HTR3B: variants seen among roughly 807,000 people sequenced by gnomAD.
HTR3B encodes 5-hydroxytryptamine (serotonin) receptor 3B, ionotropic.
HTR3B carries 44 observed loss-of-function variants against 42.8 expected under a neutral mutation model. The ratio of observed to expected loss-of-function variants is 1.03; its 90% CI spans 0.81 to 1.32. HTR3B has a LOEUF of 1.32. HTR3B is among the 40% of genes most tolerant of loss of function. The pLI is 0.00. For synonymous variants in HTR3B, 203 were observed against 209.0 expected (o/e 0.97, Z 0.25); for missense variants, 527 against 536.5 (o/e 0.98, Z 0.17).
chr11:113,938,981 G>A (rs1242910266), intron 6 of HTR3B, among the ~76,000 whole-genome samples: 2 of 151,872 alleles, frequency 1.3e-5, no homozygotes, highest in African/African-American at 4.8e-5. Flanking sequence ...GGCAATAAGA[G>A]CGAAATTGTG....
Position 113,931,806 on chromosome 11 carries a change from A to T in HTR3B, c.307A>T (p.Ile103Phe), listed in dbSNP as rs1452396502. ...LSWNSSMFDE[I>F]REISLPLSAI... ...CTGGAACTCCAGCATGTTTGATGAG[A>T]TTAGAGAGATCTCCCTACCTCTAAG... The change falls in exon 4 of 9, where the codon ATT becomes TTT. Residue 103 changes from isoleucine (I) to phenylalanine (F), a missense_variant. Ile to Phe is a conservative substitution (Grantham distance 21). Transcript: ENST00000260191. 1.9e-6 allele frequency: 3 copies of T among 1,613,012 alleles called. No homozygotes were observed. Among genetic ancestry groups the T allele is most frequent in the South Asian group, 2.2e-5 (2 of 91,064 alleles).
intron 4 of HTR3B, 148 bp downstream of exon 4, chr11:113,932,015 A>T (rs1161832427): frequency 1.6e-6 from 1 of 645,084 alleles, no homozygotes; most frequent in Non-Finnish European, 2.8e-6. Flanking sequence ...TAGAAGTGCC[A>T]TGTGTTGACA....
In HTR3B at chr11:113,932,321, A is replaced by G. The variant is rs756759938; in HGVS notation, c.401A>G (p.Tyr134Cys). ...ATTGAAAGATACCCTGACCTTCCCT[A>G]TGTTTATGTGAACTCATCTGGGACC... is the stretch of plus-strand genomic sequence containing the variant. ...VDIERYPDLP[Y>C]VYVNSSGTIE... The change falls in exon 5 of 9, where the codon TAT (tyrosine) becomes TGT (cysteine). Residue 134 changes from tyrosine (Y) to cysteine (C), a missense_variant. Coordinates refer to ENST00000260191, the MANE Select transcript of HTR3B (RefSeq NM_006028.5). 8.7e-6 allele frequency: 14 copies of G among 1,613,412 alleles called. No homozygotes were observed. Among genetic ancestry groups the G allele is most frequent in the African/African-American group, 1.3e-5 (1 of 74,984 alleles).
chr11:113,924,695 T>C (rs1949951670), intron 2 of HTR3B, among the ~76,000 whole-genome samples: 1 of 151,920 alleles, frequency 6.6e-6, no homozygotes, highest in African/African-American at 2.4e-5. Context: ...AGAGCTTTTT[T>C]TTCAGCTACC....
upstream of HTR3B, among the ~76,000 whole-genome samples, chr11:113,902,332 T>C (rs1949702004): frequency 6.6e-6 from 1 of 152,214 alleles, no homozygotes; most frequent in Non-Finnish European, 1.5e-5. Flanking sequence ...AGTCTCATTC[T>C]GTCGCCCAGG....
chr11:113,939,005 A>G (rs932102475), intron 6 of HTR3B, among the ~76,000 whole-genome samples: 2 of 152,192 alleles, frequency 1.3e-5, no homozygotes, highest in Non-Finnish European at 2.9e-5. Context: ...AAAAAAAAAA[A>G]ACTAGTCCAT....
chr11:113,913,509 C>T (rs1384422085), intron 2 of HTR3B, among the ~76,000 whole-genome samples: 1 of 149,938 alleles, frequency 6.7e-6, no homozygotes, highest in Non-Finnish European at 1.5e-5. Flanking sequence ...CCATGCTTGG[C>T]CTTTTTAAAA....
chr11:113,917,567 T>C lies in HTR3B; in HGVS notation c.213+8112T>C, dbSNP rs535923016. ...ACTTTTGCTTCATGTATTTTGAAGC[T>C]ATGTTATTAGGTGCATACACATTTA... On this transcript the variant is annotated intron_variant, in intron 2 of 8. Transcript: ENST00000260191. 2.6e-5 allele frequency among the ~76,000 whole-genome samples: 4 copies of C among 152,332 alleles called. No individual in the cohort carries two copies. The South Asian group carries it at 8.3e-4, about 32-fold the overall frequency.
chr11:113,933,165 A>G (rs2276307), intron 6 of HTR3B, 72 bp downstream of exon 6: 331,374 of 1,460,512 alleles, frequency 0.23, 38,659 homozygotes, highest in South Asian at 0.33. Context: ...GGGCCAAGGA[A>G]TTTCTGCTCT....
chr11:113,922,663 C>G (rs1949927809), intron 2 of HTR3B, among the ~76,000 whole-genome samples: 1 of 152,164 alleles, frequency 6.6e-6, no homozygotes, highest in South Asian at 2.1e-4. Context: ...TCACGCCATT[C>G]TCCTGCCTCA....
chr11:113,939,170 C>T (rs1176736), intron 6 of HTR3B, among the ~76,000 whole-genome samples: 8,054 of 152,148 alleles, frequency 0.053, 657 homozygotes, highest in African/African-American at 0.18. Flanking sequence ...TTTTGGAAGG[C>T]CTATCTAGTT....
chr11:113,921,489 G>T (rs1021109854), intron 2 of HTR3B, among the ~76,000 whole-genome samples: 2 of 140,904 alleles, frequency 1.4e-5, no homozygotes, highest in African/African-American at 2.8e-5. Flanking sequence ...CGGGCGTGGT[G>T]GTGGGCACCT....
At chr11:113,940,273 A>G (rs189331411) in intron 6 of HTR3B, among the ~76,000 whole-genome samples, 12 of 152,230 alleles carry the variant, frequency 7.9e-5, no homozygotes, top group African/African-American at 2.9e-4. Context: ...CCCTTTGTAT[A>G]GTATCTGCCA....
In HTR3B at chr11:113,931,816, T is replaced by G; in HGVS notation, c.317T>G (p.Ile106Ser). 6.2e-7 allele frequency: 1 copy of G among 1,612,118 alleles called. No individual in the cohort carries two copies. Among genetic ancestry groups the G allele is most frequent in the South Asian group, 1.1e-5 (1 of 91,054 alleles). Reference protein sequence around the residue: ...NSSMFDEIREISLPLSAIWAP... With the variant: ...NSSMFDEIRESSLPLSAIWAP... ...AGCATGTTTGATGAGATTAGAGAGA[T>G]CTCCCTACCTCTAAGTGCCATCTGG... Residue 106 changes from isoleucine (I) to serine (S), a missense_variant, in exon 4 of 9, where the codon ATC (isoleucine) becomes AGC (serine). Ile to Ser is a moderately radical substitution (Grantham distance 142, BLOSUM62 -2). Transcript: ENST00000260191.
chr11:113,932,523 T>C, intron 5 of HTR3B, 65 bp downstream of exon 5: 2 of 1,242,950 alleles, frequency 1.6e-6, no homozygotes, highest in South Asian at 1.3e-5. Flanking sequence ...TATTATACTA[T>C]CCTTCAGGTC....
Position 113,933,059 on chromosome 11 carries a change from G to T in HTR3B, c.662G>T (p.Ser221Ile). ...TCCTCCACATACAGCATCCTGCAGA[G>T]CAGCGCTGGAGGATTTGCACAGATT... is the stretch of plus-strand genomic sequence containing the variant. ...SVSSTYSILQSSAGGFAQIQF... is the reference protein window; with the variant it reads ...SVSSTYSILQISAGGFAQIQF... The change falls in exon 6 of 9, where the codon AGC (serine) becomes ATC (isoleucine). Residue 221 changes from serine to isoleucine, a missense_variant. Transcript: ENST00000260191. 1 of 1,614,122 alleles carries T rather than the reference G, an allele frequency of 6.2e-7. No homozygotes were observed. Among genetic ancestry groups the T allele is most frequent in the Non-Finnish European group, 8.5e-7 (1 of 1,179,996 alleles).
chr11:113,899,822 C>T (rs1394006530), upstream of HTR3B, among the ~76,000 whole-genome samples: 1 of 152,158 alleles, frequency 6.6e-6, no homozygotes. Flanking sequence ...AGTGCAAAGG[C>T]TCATGGGGAT....
At chr11:113,903,428 CTTTTTTT>C (rs57289369), upstream of HTR3B, among the ~76,000 whole-genome samples, 2 of 121,102 alleles carry the variant, frequency 1.7e-5, no homozygotes, top group Admixed American at 8.8e-5. Flanking sequence ...CTTTTCTTTT[CTTTTTTT>C]TTTTTTTTTT....
intron 2 of HTR3B, among the ~76,000 whole-genome samples, chr11:113,925,823 A>T (rs1196717773): frequency 3.9e-5 from 6 of 152,216 alleles, no homozygotes; most frequent in African/African-American, 1.4e-4. Flanking sequence ...CTTAAAAAAC[A>T]ATTGCCCTTT....
Sources: gnomAD v4.1 joint callset for allele counts (sites outside exome capture counted in the v4.1 genomes callset) on GRCh38, gnomAD v4.1.1 for gene constraint, MANE v1.5 for transcripts, NCBI Gene and HGNC (gene_info 2026-07-23, HGNC 2026-07-21) for gene names.